FBLN2: variants seen among roughly 807,000 people sequenced by gnomAD.
FBLN2 encodes fibulin-2.
A neutral mutation model predicts 123.7 loss-of-function variants in FBLN2; 81 were observed. The ratio of observed to expected loss-of-function variants is 0.65; its 90% CI spans 0.55 to 0.79. The LOEUF is 0.79. Among genes scored for constraint, FBLN2 ranks in the 30% least tolerant of loss-of-function variants. The pLI is 0.00. For synonymous variants in FBLN2, 699 were observed against 701.4 expected (o/e 1.00, Z 0.05); for missense variants, 1,603 against 1,681.3 (o/e 0.95, Z 0.81).
At position 13,629,231 on chromosome 3, in the gene FBLN2, C is replaced by T. The variant is rs765946071; in HGVS notation, c.2781C>T (p.Gly927=). The change falls in exon 13 of 18, where the codon GGC becomes GGT. Residue 927 remains glycine, a synonymous_variant. Coordinates refer to ENST00000404922, the MANE Select transcript of FBLN2 (RefSeq NM_001004019.2). ...GEGQVCHNLP[G]SYRCDCKAGF... ...GCCAAGTGTGCCACAACCTCCCTGG[C>T]TCCTACCGCTGTGACTGCAAAGCCG... The T allele has an allele frequency of 3.1e-6, 5 of 1,613,208 alleles. No individual in the cohort carries two copies. The South Asian group carries it at 4.4e-5, about 14-fold the overall frequency.
intron 1 of FBLN2, among the ~76,000 whole-genome samples, chr3:13,552,570 C>T (rs1383237809): frequency 1.3e-5 from 2 of 152,102 alleles, no homozygotes; most frequent in East Asian, 3.9e-4. Flanking sequence ...AGAGGTCTAC[C>T]CTCCCAATAG....
rs1706259305 is a variant in FBLN2 at position 13,631,544 on chromosome 3, T to C, written c.3214+87T>C. 3 of 1,439,976 alleles carry C rather than the reference T, an allele frequency of 2.1e-6. No individual in the cohort carries two copies. The African/African-American group carries it at 4.3e-5, about 20-fold the overall frequency. The allele number at this position is 1,439,976 out of a possible 1,614,324, so 89.2% of individuals were successfully genotyped here. On this transcript the variant is annotated intron_variant, in intron 16 of 17. Transcript: ENST00000404922. ...CACAGAAAAGCTCACACAGCTTGCG[T>C]GCACTTGGAGCCCCCACACCCAGTG...
At position 13,576,729 on chromosome 3, in the gene FBLN2, C is replaced by A. The variant is rs866773234; in HGVS notation, c.1306+5068C>A. 2.1e-4 allele frequency among the ~76,000 whole-genome samples: 32 copies of A among 152,018 alleles called. No homozygotes were observed. The South Asian group carries it at 3.1e-3, about 15-fold the overall frequency. On this transcript the variant is annotated intron_variant, in intron 2 of 17. Coordinates refer to ENST00000404922, the MANE Select transcript of FBLN2 (RefSeq NM_001004019.2). Reference sequence around the variant, plus strand: ...GGGGTGGTCAGGGGGATCCCCCCCCCCCGGGTTCACTCATTTATCCACCCA... The same window carrying A: ...GGGGTGGTCAGGGGGATCCCCCCCCACCGGGTTCACTCATTTATCCACCCA...
At chr3:13,584,389 T>TC (rs1704432187) in intron 2 of FBLN2, among the ~76,000 whole-genome samples, 1 of 152,194 alleles carries the variant, frequency 6.6e-6, no homozygotes, top group African/African-American at 2.4e-5. Context: ...GAGCCCTGAC[T>TC]CCAACCCAGG....
intron 2 of FBLN2, among the ~76,000 whole-genome samples, chr3:13,596,458 T>A (rs761836450): frequency 2.0e-5 from 3 of 152,234 alleles, no homozygotes; most frequent in Non-Finnish European, 2.9e-5. Context: ...ATGCTCCTGT[T>A]TGTGTTCATG....
intron 2 of FBLN2, among the ~76,000 whole-genome samples, chr3:13,587,699 T>C (rs777266070): frequency 3.4e-4 from 52 of 152,200 alleles, no homozygotes; most frequent in Non-Finnish European, 8.8e-5. Context: ...ATAAGAAACA[T>C]TTTACAGCCT....
chr3:13,624,113 C>T (rs1473854502), intron 9 of FBLN2, among the ~76,000 whole-genome samples: 2 of 152,200 alleles, frequency 1.3e-5, no homozygotes, highest in Admixed American at 6.5e-5. Context: ...CTGAGCCCCC[C>T]ATGAAGTGGT....
At chr3:13,616,749 A>G (rs957103668) in intron 5 of FBLN2, among the ~76,000 whole-genome samples, 4 of 152,184 alleles carry the variant, frequency 2.6e-5, no homozygotes, top group Non-Finnish European at 5.9e-5. Flanking sequence ...TTGTCATACA[A>G]AGAGCTTCCC....
At chr3:13,608,510 G>A (rs1705283453) in intron 3 of FBLN2, among the ~76,000 whole-genome samples, 1 of 152,202 alleles carries the variant, frequency 6.6e-6, no homozygotes, top group African/African-American at 2.4e-5. Context: ...TGCAGTTGCT[G>A]CCGCACTCAT....
At position 13,637,831 on chromosome 3, in the gene FBLN2, T is replaced by A; in HGVS notation, c.3608T>A (p.Leu1203Gln). 6.2e-7 allele frequency: 1 copy of A among 1,613,586 alleles called. No homozygotes were observed. Among genetic ancestry groups the A allele is most frequent in the Non-Finnish European group, 8.5e-7 (1 of 1,179,610 alleles). Residue 1203 changes from leucine to glutamine, a missense_variant, in exon 18 of 18, where the codon CTG (leucine) becomes CAG (glutamine). By Grantham distance (113) the Leu-to-Gln change is moderately radical. Coordinates refer to ENST00000404922, the MANE Select transcript of FBLN2 (RefSeq NM_001004019.2). ...GTGCTGGAGCCCCGGGACTTTGCCC[T>A]GGACGTGGAGATGAAGCTCTGGAGG... ...RAVLEPRDFA[L>Q]DVEMKLWRQG...
intron 11 of FBLN2, among the ~76,000 whole-genome samples, chr3:13,628,546 G>C (rs1192583119): frequency 6.6e-6 from 1 of 152,206 alleles, no homozygotes; most frequent in African/African-American, 2.4e-5. Context: ...CCAAAAAAGG[G>C]TTTGCTTAGT....
intron 16 of FBLN2, among the ~76,000 whole-genome samples, chr3:13,636,005 G>T (rs575541016): frequency 2.3e-4 from 35 of 152,142 alleles, no homozygotes; most frequent in African/African-American, 8.2e-4. Context: ...AGAGTTAAAA[G>T]ATGAGAAGCC....
intron 4 of FBLN2, among the ~76,000 whole-genome samples, chr3:13,612,294 C>CCTTTGTTTCTTTCTTT (rs1705419071): frequency 8.5e-6 from 1 of 117,284 alleles, no homozygotes; most frequent in African/African-American, 4.0e-5. Context: ...CTTTTATTTT[C>CCTTTGTTTCTTTCTTT]CTTTCTTTCT....
At chr3:13,633,954 A>AACACACACAC (rs56947028) in intron 16 of FBLN2, among the ~76,000 whole-genome samples, 1,227 of 112,884 alleles carry the variant, frequency 0.011, 49 homozygotes, top group African/African-American at 0.021. Context: ...ACACACTGCA[A>AACACACACAC]ACACACACAC....
intron 9 of FBLN2, 149 bp downstream of exon 9, chr3:13,622,064 C>G: frequency 2.1e-6 from 2 of 947,002 alleles, no homozygotes; most frequent in Non-Finnish European, 3.0e-6. Context: ...TATGTCGTGC[C>G]CTTGTGTCCT....
At chr3:13,618,619 A>G (rs774126429) in intron 6 of FBLN2, among the ~76,000 whole-genome samples, 1 of 152,076 alleles carries the variant, frequency 6.6e-6, no homozygotes, top group Non-Finnish European at 1.5e-5. Flanking sequence ...CCTCCCAGTC[A>G]CTGGTCCCAG....
intron 2 of FBLN2, among the ~76,000 whole-genome samples, chr3:13,598,116 G>T (rs958361295): frequency 7.9e-5 from 12 of 152,242 alleles, no homozygotes; most frequent in African/African-American, 2.9e-4. Context: ...GCTGAAGGCT[G>T]CACCAGCTTC....
intron 5 of FBLN2, 122 bp from the exon 6 acceptor site, chr3:13,617,954 T>A: frequency 2.5e-5 from 18 of 712,582 alleles, no homozygotes; most frequent in Middle Eastern, 4.8e-4. Context: ...TCATCCATCC[T>A]TGCTGTCTGC....
chr3:13,583,935 G>C (rs922854994), intron 2 of FBLN2, among the ~76,000 whole-genome samples: 1 of 152,226 alleles, frequency 6.6e-6, no homozygotes, highest in Non-Finnish European at 1.5e-5. Flanking sequence ...TTAGGGATGA[G>C]GGTCCCTGCT....
Sources: gnomAD v4.1 joint callset for allele counts (sites outside exome capture counted in the v4.1 genomes callset) on GRCh38, gnomAD v4.1.1 for gene constraint, MANE v1.5 for transcripts, NCBI Gene and HGNC (gene_info 2026-07-23, HGNC 2026-07-21) for gene names.